The following PDGFRB variants were observed in gnomAD, a reference collection of about 807,000 sequenced individuals.
The protein encoded by PDGFRB is platelet-derived growth factor receptor beta.
A neutral mutation model predicts 120.2 loss-of-function variants in PDGFRB; 42 were observed. That is an observed-to-expected ratio of 0.35 (90% CI 0.27 to 0.45). The LOEUF (loss-of-function observed/expected upper bound fraction) is 0.45. Ranked by LOEUF, PDGFRB falls within the 20% of genes least tolerant of loss-of-function variation. The pLI, the probability that PDGFRB is intolerant of heterozygous loss-of-function variation, is 1.00. For missense variants in PDGFRB, 1,149 were observed against 1,476.3 expected, an observed-to-expected ratio of 0.78 and a Z score of 3.63; for synonymous variants, 586 against 606.8, an observed-to-expected ratio of 0.97 and a Z score of 0.50.
intron 1 of PDGFRB, among the ~76,000 whole-genome samples, chr5:150,147,012 C>G (rs1463108076): frequency 6.6e-6 from 1 of 152,196 alleles, no homozygotes; most frequent in Non-Finnish European, 1.5e-5. Flanking sequence ...TGAGGGTGAG[C>G]ACACAAGGCT....
At chr5:150,152,928 T>A (rs185052136) in intron 1 of PDGFRB, among the ~76,000 whole-genome samples, 3 of 152,112 alleles carry the variant, frequency 2.0e-5, no homozygotes, top group South Asian at 4.2e-4. Flanking sequence ...GAGAAGGAGA[T>A]TGAGGCCCAG....
intron 1 of PDGFRB, among the ~76,000 whole-genome samples, chr5:150,142,562 G>T (rs901338269): frequency 6.7e-6 from 1 of 150,036 alleles, no homozygotes; most frequent in East Asian, 1.9e-4. Flanking sequence ...TTTGGAGGGG[G>T]GTTGGGGTGG....
chr5:150,150,616 G>C (rs1319161365), intron 1 of PDGFRB, among the ~76,000 whole-genome samples: 1 of 140,712 alleles, frequency 7.1e-6, no homozygotes, highest in African/African-American at 2.6e-5. Context: ...GGATGTAGGG[G>C]GCGGGGGCAG....
intron 22 of PDGFRB, 91 bp downstream of exon 22, chr5:150,117,527 A>AGCGTGCGC (rs554606521): frequency 7.2e-6 from 4 of 557,320 alleles, no homozygotes; most frequent in Non-Finnish European, 1.3e-5. Flanking sequence ...CAAACCTGGC[A>AGCGTGCGC]GCGCGCGCGC....
chr5:150,120,748 C>T lies in PDGFRB; in HGVS notation c.2586+140G>A. On this transcript the variant is annotated intron_variant, in intron 18 of 22. Transcript: ENST00000261799. The surrounding 1 kb of genome is among the most constrained non-coding windows in gnomAD (Gnocchi z 4.3). ...TGCACACATAGCTGGGCAGGCACAG[C>T]CCATCACTGCTGTCAGGGCAGGCCA... 1.3e-6 allele frequency: 1 copy of T among 788,352 alleles called. No homozygotes were observed. The highest frequency in any genetic ancestry group is 2.1e-6 in the Non-Finnish European group (1 of 485,786). The allele number at this position is 788,352 out of a possible 1,614,324, so 48.8% of individuals were successfully genotyped here. A position where few individuals can be genotyped will look rare whatever the true frequency, so the allele number is the denominator to read the frequency against.
chr5:150,118,915 G>T, intron 20 of PDGFRB, 63 bp from the exon 21 acceptor site: 1 of 955,832 alleles, frequency 1.0e-6, no homozygotes, highest in South Asian at 1.5e-5. Flanking sequence ...GCAGGGCTGG[G>T]GGAGCAGGAG....
intron 2 of PDGFRB, 124 bp from the exon 3 acceptor site, chr5:150,136,002 C>A: frequency 1.6e-6 from 1 of 613,110 alleles, no homozygotes; most frequent in Non-Finnish European, 2.7e-6. Flanking sequence ...CTCCTTTATC[C>A]GACAGACTGG....
intron 1 of PDGFRB, among the ~76,000 whole-genome samples, chr5:150,144,061 G>A (rs1760852049): frequency 6.6e-6 from 1 of 152,046 alleles, no homozygotes; most frequent in South Asian, 2.1e-4. Flanking sequence ...GTGTGCTCCC[G>A]CTGCTCTGGA....
rs778902589 is a variant in PDGFRB, at chr5:150,126,607, G to A, written c.1587C>T (p.Pro529=). The change falls in exon 11 of 23, where the codon CCC becomes CCT. Residue 529 remains proline (P), a synonymous_variant. Coordinates refer to ENST00000261799, the MANE Select transcript of PDGFRB (RefSeq NM_002609.4). ...QEVIVVPHSL[P]FKVVVISAIL... ...TGGCTGAGATCACCACCACCTTAAA[G>A]GGCAAGGCTGGAGGCAGAGATGAGA... The A allele has an allele frequency of 1.1e-5, 17 of 1,593,638 alleles. 1 individual carries two copies. In the South Asian group the frequency reaches 1.9e-4, roughly 18 times the overall value.
chr5:150,135,745 A>C lies in PDGFRB; in HGVS notation c.174T>G (p.Ala58=), dbSNP rs1469275259. ...GGGACATCCGTTCCCACACCACCGG[A>C]GCTGAACCCGAGCAGGTCAGAACGA... is the stretch of plus-strand genomic sequence containing the variant. ...STFVLTCSGS[A]PVVWERMSQE... is the part of the protein sequence containing the mutation. The change falls in exon 3 of 23, where the codon GCT becomes GCG. Residue 58 remains alanine, a synonymous_variant. Transcript: ENST00000261799. 1 of 1,614,112 alleles carries C rather than the reference A, an allele frequency of 6.2e-7. No homozygotes were observed. The highest frequency in any genetic ancestry group is 1.3e-5 in the African/African-American group (1 of 75,034).
intron 6 of PDGFRB, 68 bp downstream of exon 6, chr5:150,133,518 C>T: frequency 7.4e-7 from 1 of 1,351,312 alleles, no homozygotes; most frequent in Non-Finnish European, 1.1e-6. Flanking sequence ...CACTCTGCAC[C>T]CAGCAAAGTG....
intron 10 of PDGFRB, among the ~76,000 whole-genome samples, chr5:150,127,155 C>G (rs952405740): frequency 3.3e-5 from 5 of 152,202 alleles, no homozygotes; most frequent in African/African-American, 1.2e-4. Flanking sequence ...CCACTTCTCC[C>G]CACTTCACCC....
rs758589 is a variant in PDGFRB at position 150,135,395 on chromosome 5, T to G, written c.364+160A>C. On this transcript the variant is annotated intron_variant, in intron 3 of 22. Coordinates refer to ENST00000261799, the MANE Select transcript of PDGFRB (RefSeq NM_002609.4). ...CAGATCACCCAGACCAAGGAGTGGG[T>G]GCGAACACACTCCCCGACTGAGCCA... Among the ~76,000 whole-genome samples, 150,583 of 152,176 alleles carry G rather than the reference T, an allele frequency of 0.99. 74,514 individuals are homozygous for G. The highest frequency in any genetic ancestry group is 1 in the East Asian group (5,155 of 5,158).
intron 1 of PDGFRB, among the ~76,000 whole-genome samples, chr5:150,146,623 C>T (rs1321916539): frequency 6.6e-6 from 1 of 152,142 alleles, no homozygotes; most frequent in African/African-American, 2.4e-5. Context: ...ATGATCATAG[C>T]TCACAGCTCA....
At position 150,132,901 on chromosome 5, in the gene PDGFRB, G is replaced by A; in HGVS notation, c.976C>T (p.Gln326Ter). The A allele has an allele frequency of 6.3e-7, 1 of 1,585,552 alleles. No individual in the cohort carries two copies. Among genetic ancestry groups the A allele is most frequent in the Non-Finnish European group, 8.6e-7 (1 of 1,167,064 alleles). The stretch of plus-strand genomic sequence containing the variant: ...CGGCTCCGATGCAGCTCAGCAAATT[G>A]TAGTGTGCCCACCTCTCCCAGGAGC... ...VRLLGEVGTL[Q>*]FAELHRSRTL... is the part of the protein sequence containing the mutation. Residue 326 changes from glutamine (Q) to a stop codon, truncating the protein, a stop_gained, in exon 7 of 23, where the codon CAA (glutamine) becomes TAA (stop). Coordinates refer to ENST00000261799, the MANE Select transcript of PDGFRB (RefSeq NM_002609.4). LOFTEE classifies it high-confidence loss of function. The surrounding 1 kb of genome is among the most constrained non-coding windows in gnomAD (Gnocchi z 5.0).
intron 1 of PDGFRB, among the ~76,000 whole-genome samples, chr5:150,154,239 G>A (rs1450647602): frequency 6.6e-6 from 1 of 152,090 alleles, no homozygotes; most frequent in Non-Finnish European, 1.5e-5. Flanking sequence ...GGAAGAGGGA[G>A]GGCAAATGCC....
At chr5:150,124,862 C>A (rs1362229802) in intron 12 of PDGFRB, 31 bp from the exon 13 acceptor site, 1 of 1,188,086 alleles carries the variant, frequency 8.4e-7, no homozygotes, top group East Asian at 2.4e-5. Context: ...TAGCTCCTGG[C>A]CTACCAGGAA....
intron 15 of PDGFRB, among the ~76,000 whole-genome samples, 161 bp downstream of exon 15, chr5:150,122,878 CCCT>C (rs1760181981): frequency 1.3e-5 from 2 of 152,236 alleles, no homozygotes; most frequent in Non-Finnish European, 2.9e-5. Flanking sequence ...TAGTGTTATT[CCCT>C]CATCTGGGGT....
In PDGFRB at chr5:150,117,529, C is replaced by CTT. The variant is rs1561983203; in HGVS notation, c.3137+88_3137+89insAA. On this transcript the variant is annotated intron_variant, in intron 22 of 22. Coordinates refer to ENST00000261799, the MANE Select transcript of PDGFRB (RefSeq NM_002609.4). Reference sequence around the variant, plus strand: ...CTTACCTCTGAGGCAAACCTGGCAGCGCGCGCGCGCGCGCGCACACACACA... The same window carrying CTT: ...CTTACCTCTGAGGCAAACCTGGCAGCTTGCGCGCGCGCGCGCGCACACACACA... 3.4e-4 allele frequency: 147 copies of CTT among 434,700 alleles called. No individual in the cohort carries two copies. In the African/African-American group the frequency reaches 3.7e-3, roughly 11 times the overall value. The allele number at this position is 434,700 out of a possible 1,614,324, so 26.9% of individuals were successfully genotyped here. A position where few individuals can be genotyped will look rare whatever the true frequency, so the allele number is the denominator to read the frequency against.
Sources: allele counts gnomAD v4.1 joint callset (sites outside exome capture counted in the v4.1 genomes callset), GRCh38; gene constraint gnomAD v4.1.1; non-coding constraint Gnocchi (gnomAD v3.1); transcripts MANE v1.5; gene names NCBI Gene and HGNC (gene_info 2026-07-23, HGNC 2026-07-21).